The following SPNS2 variants were observed in gnomAD, a reference collection of about 807,000 sequenced individuals.
The protein encoded by SPNS2 is SPNS lysolipid transporter 2, sphingosine-1-phosphate.
SPNS2 carries 37 observed loss-of-function variants against 57.6 expected under a neutral mutation model. The observed-to-expected ratio is 0.64, with a 90% confidence interval of 0.49 to 0.85. The LOEUF (loss-of-function observed/expected upper bound fraction) is 0.85, where lower values mean the gene tolerates loss of function less well. Among genes scored for constraint, SPNS2 ranks in the 40% least tolerant of loss-of-function variants. The pLI is 0.00. For missense variants in SPNS2, 831 were observed against 779.1 expected (o/e 1.07, Z -0.79); for synonymous variants, 440 against 346.9 (o/e 1.27, Z -2.98).
intron 3 of SPNS2, among the ~76,000 whole-genome samples, chr17:4,525,588 T>A (rs971522005): frequency 2.0e-5 from 3 of 152,234 alleles, no homozygotes; most frequent in Non-Finnish European, 4.4e-5. Flanking sequence ...CAGTTTGTGC[T>A]TGGTCTGATG....
At position 4,533,028 on chromosome 17, in the gene SPNS2, G is replaced by T. The variant is rs371622226; in HGVS notation, c.987G>T (p.Thr329=). 6.2e-7 allele frequency: 1 copy of T among 1,613,148 alleles called. No individual in the cohort carries two copies. The highest frequency in any genetic ancestry group is 8.5e-7 in the Non-Finnish European group (1 of 1,179,912). The stretch of plus-strand genomic sequence containing the variant: ...CCACGTCGGCTGTCTCCTTCGCCAC[G>T]GGGGCCCTGGGCATGTGGATCCCGC... ...SLATSAVSFA[T]GALGMWIPLY... is the part of the protein sequence containing the mutation. The change falls in exon 7 of 13, where the codon ACG becomes ACT. Residue 329 remains threonine (T), a synonymous_variant. Coordinates refer to ENST00000329078, the MANE Select transcript of SPNS2 (RefSeq NM_001124758.3).
At position 4,531,117 on chromosome 17, in the gene SPNS2, C is replaced by A. The variant is rs201292217; in HGVS notation, c.790C>A (p.Arg264=). The A allele has an allele frequency of 2.5e-6, 4 of 1,613,776 alleles. No homozygotes were observed. In the African/African-American group the frequency reaches 4.0e-5, roughly 16 times the overall value. ...QAAGDWHWAL[R]VSPVLGMITG... ...AGCCGGAGACTGGCACTGGGCATTG[C>A]GGGTAAGCCCTACGTCCCTTCCCAT... Residue 264 remains arginine, a splice_region_variant and synonymous_variant, in exon 5 of 13, where the codon CGG becomes AGG. Transcript: ENST00000329078.
intron 3 of SPNS2, among the ~76,000 whole-genome samples, chr17:4,526,529 G>C (rs549219022): frequency 6.6e-6 from 1 of 151,764 alleles, no homozygotes; most frequent in African/African-American, 2.4e-5. Context: ...CTTGAACCTC[G>C]AAGGCAGAGG....
In SPNS2 at chr17:4,512,802, G is replaced by A. The variant is rs1384204709; in HGVS notation, c.371-445G>A. Among the ~76,000 whole-genome samples, 1 of 151,746 alleles carries A rather than the reference G, an allele frequency of 6.6e-6. No individual in the cohort carries two copies. Among genetic ancestry groups the A allele is most frequent in the Non-Finnish European group, 1.5e-5 (1 of 67,758 alleles). On this transcript the variant is annotated intron_variant, in intron 1 of 12. Transcript: ENST00000329078. This position sits in a 1 kb window ranked among gnomAD's most constrained non-coding sequence, Gnocchi z 5.2. Reference sequence around the variant, plus strand: ...TGTGCACATGTGCAGGTGAACCAGAGTGAGCGGCTGCCCCTCCCAGGCCAG... The same window carrying A: ...TGTGCACATGTGCAGGTGAACCAGAATGAGCGGCTGCCCCTCCCAGGCCAG...
chr17:4,537,113 G>A (rs780641622), intron 12 of SPNS2, among the ~76,000 whole-genome samples, 167 bp downstream of exon 12: 1 of 152,268 alleles, frequency 6.6e-6, no homozygotes, highest in Non-Finnish European at 1.5e-5. Flanking sequence ...ATGGAGCCAT[G>A]GGTGGGACAG....
At chr17:4,519,605 G>GCTGAGCGAGGGCTTCCC (rs66872523) in intron 2 of SPNS2, among the ~76,000 whole-genome samples, 1 of 151,794 alleles carries the variant, frequency 6.6e-6, no homozygotes, top group Non-Finnish European at 1.5e-5. Context: ...TGTGGGCTCA[G>GCTGAGCGAGGGCTTCCC]CACACCCTCC....
intron 3 of SPNS2, among the ~76,000 whole-genome samples, chr17:4,525,979 A>G (rs1284269938): frequency 6.6e-6 from 1 of 152,140 alleles, no homozygotes; most frequent in African/African-American, 2.4e-5. Context: ...GCCGGCTGCT[A>G]TAGAGAAAGA....
At position 4,514,681 on chromosome 17, in the gene SPNS2, C is replaced by T. The variant is rs553794648; in HGVS notation, c.436+1369C>T. 3.9e-5 allele frequency among the ~76,000 whole-genome samples: 6 copies of T among 152,356 alleles called. No individual in the cohort carries two copies. The East Asian group carries it at 9.6e-4, about 24-fold the overall frequency. On this transcript the variant is annotated intron_variant, in intron 2 of 12. Transcript: ENST00000329078. ...TCCCAGGCCATGAGCCCAACGCCTC[C>T]CCTACCCCTTCCTGGGTCTCCCTGG...
intron 3 of SPNS2, among the ~76,000 whole-genome samples, chr17:4,527,136 C>T (rs1184949553): frequency 6.6e-6 from 1 of 152,222 alleles, no homozygotes; most frequent in East Asian, 1.9e-4. Flanking sequence ...TCCAGTGAAT[C>T]CATAAATGCA....
intron 1 of SPNS2, among the ~76,000 whole-genome samples, chr17:4,500,268 C>T (rs570926431): frequency 6.6e-6 from 1 of 152,292 alleles, no homozygotes; most frequent in South Asian, 2.1e-4. Flanking sequence ...GACCTTGGGC[C>T]AGTCTCAGCG....
intron 1 of SPNS2, among the ~76,000 whole-genome samples, chr17:4,502,348 C>G (rs1350721148): frequency 6.6e-6 from 1 of 150,842 alleles, no homozygotes; most frequent in Non-Finnish European, 1.5e-5. Context: ...CCACTGTACT[C>G]CAGCCTGGGT....
chr17:4,527,760 CTG>C (rs1213395535), intron 3 of SPNS2, among the ~76,000 whole-genome samples: 1 of 152,164 alleles, frequency 6.6e-6, no homozygotes, highest in East Asian at 1.9e-4. Flanking sequence ...GTGATCAAAG[CTG>C]TGGGGAATCG....
chr17:4,522,761 T>TG (rs1905170761), intron 2 of SPNS2, among the ~76,000 whole-genome samples: 1 of 152,132 alleles, frequency 6.6e-6, no homozygotes, highest in South Asian at 2.1e-4. Flanking sequence ...GGGGGAGGGA[T>TG]GGGGGGCCAC....
chr17:4,520,705 C>T (rs1255739453), intron 2 of SPNS2, among the ~76,000 whole-genome samples: 1 of 152,160 alleles, frequency 6.6e-6, no homozygotes, highest in African/African-American at 2.4e-5. Context: ...TCCCCCTTCC[C>T]AGCATGGCAG....
At chr17:4,533,609 G>A in intron 8 of SPNS2, 177 bp downstream of exon 8, 1 of 980,496 alleles carries the variant, frequency 1.0e-6, no homozygotes, top group Non-Finnish European at 1.5e-6. Context: ...AGGGCCTCTG[G>A]GTGCCTCAGG....
chr17:4,533,504 T>C, intron 8 of SPNS2, 72 bp downstream of exon 8: 2 of 1,442,224 alleles, frequency 1.4e-6, no homozygotes, highest in Admixed American at 2.1e-5. Flanking sequence ...AACAGGACAT[T>C]CGGTCTGACT....
At chr17:4,524,176 C>A (rs996289322) in intron 2 of SPNS2, among the ~76,000 whole-genome samples, 9 of 151,868 alleles carry the variant, frequency 5.9e-5, no homozygotes, top group Non-Finnish European at 8.8e-5. Flanking sequence ...ATCTCTTCCC[C>A]TCTCTGAGCT....
chr17:4,529,214 G>A (rs959486145), intron 3 of SPNS2, among the ~76,000 whole-genome samples: 4 of 151,716 alleles, frequency 2.6e-5, no homozygotes, highest in Non-Finnish European at 4.4e-5. Context: ...GATTACAGGC[G>A]TGAGCCACTG....
In SPNS2 at chr17:4,499,088, C is replaced by A; in HGVS notation, c.41C>A (p.Ala14Glu). 1 of 1,051,968 alleles carries A rather than the reference C, an allele frequency of 9.5e-7. No homozygotes were observed. 65.2% of individuals were successfully genotyped at this position (1,051,968 alleles called of 1,614,324 possible). A position where few individuals can be genotyped will look rare whatever the true frequency, so the allele number is the denominator to read the frequency against. The change falls in exon 1 of 13, where the codon GCG becomes GAG. Residue 14 changes from alanine (A) to glutamate (E), a missense_variant. Physicochemically the swap from Ala to Glu is moderately radical, Grantham distance 107 (BLOSUM62 -1). Transcript: ENST00000329078. This position sits in a 1 kb window ranked among gnomAD's most constrained non-coding sequence, Gnocchi z 5.2. ...LECASAAAGG[A>E]EEEEADAERR... ...TGCGCCTCGGCGGCGGCGGGCGGCG[C>A]GGAGGAGGAGGAGGCGGACGCGGAG...
Sources: allele counts gnomAD v4.1 joint callset (sites outside exome capture counted in the v4.1 genomes callset), GRCh38; gene constraint gnomAD v4.1.1; non-coding constraint Gnocchi (gnomAD v3.1); transcripts MANE v1.5; gene names NCBI Gene and HGNC (gene_info 2026-07-23, HGNC 2026-07-21).